The following KCNQ5 variants were observed in gnomAD, a reference collection of about 807,000 sequenced individuals.
KCNQ5 encodes potassium voltage-gated channel subfamily Q member 5, also known as potassium voltage-gated channel subfamily KQT member 5.
Under a neutral mutation model 98.2 loss-of-function variants are expected in KCNQ5, and 30 were observed. The observed-to-expected ratio is 0.31, with a 90% confidence interval of 0.23 to 0.41. The LOEUF (loss-of-function observed/expected upper bound fraction) is 0.41, where lower values mean the gene tolerates loss of function less well. Among genes scored for constraint, KCNQ5 ranks in the 10% least tolerant of loss-of-function variants. KCNQ5 has a pLI of 1.00. For missense variants in KCNQ5, 835 were observed against 1,182.5 expected (o/e 0.71, Z 4.31); for synonymous variants, 458 against 449.4 (o/e 1.02, Z -0.24).
intron 1 of KCNQ5, among the ~76,000 whole-genome samples, chr6:72,980,449 G>A (rs1440869502): frequency 2.6e-5 from 4 of 152,134 alleles, no homozygotes; most frequent in African/African-American, 9.7e-5. Flanking sequence ...TTTTGAATGG[G>A]AGTTCACTCA....
At chr6:72,765,056 T>G (rs952926483) in intron 1 of KCNQ5, among the ~76,000 whole-genome samples, 3 of 152,120 alleles carry the variant, frequency 2.0e-5, no homozygotes, top group Admixed American at 1.3e-4. Flanking sequence ...AAATCTTAGC[T>G]GTTGTAAACA....
chr6:72,736,359 G>A (rs12212268), intron 1 of KCNQ5, among the ~76,000 whole-genome samples: 17,100 of 152,002 alleles, frequency 0.11, 1,025 homozygotes, highest in South Asian at 0.17. Flanking sequence ...TGGTTCAATA[G>A]TAGTAGTGTG....
intron 5 of KCNQ5, among the ~76,000 whole-genome samples, chr6:73,092,737 A>C (rs1774305969): frequency 6.6e-6 from 1 of 152,190 alleles, no homozygotes; most frequent in Admixed American, 6.5e-5. Context: ...ATGTTAAACT[A>C]TCCCTGCATC....
At position 72,622,288 on chromosome 6, in the gene KCNQ5, C is replaced by A. The variant is rs1459386423; in HGVS notation, c.99C>A (p.Gly33=). The change falls in exon 1 of 14, where the codon GGC becomes GGA. Residue 33 remains glycine, a synonymous_variant. Coordinates refer to ENST00000370398, the MANE Select transcript of KCNQ5 (RefSeq NM_019842.4). This position sits in a 1 kb window ranked among gnomAD's most constrained non-coding sequence, Gnocchi z 6.0. ...CGGCGGCGGGCGGGGGGCGCTTGGG[C>A]AGCGGCATGAAGGATGTGGAGTCCG... ...AAAAAGGGRL[G]SGMKDVESGR... 1 of 1,294,852 alleles carries A rather than the reference C, an allele frequency of 7.7e-7. No individual in the cohort carries two copies. The highest frequency in any genetic ancestry group is 3.0e-5 in the East Asian group (1 of 33,298). The allele number at this position is 1,294,852 out of a possible 1,614,324, so 80.2% of individuals were successfully genotyped here. A position where few individuals can be genotyped will look rare whatever the true frequency, so the allele number is the denominator to read the frequency against.
At chr6:72,627,821 C>T (rs1582001536) in intron 1 of KCNQ5, among the ~76,000 whole-genome samples, 1 of 147,596 alleles carries the variant, frequency 6.8e-6, no homozygotes, top group South Asian at 2.1e-4. Flanking sequence ...CTTGGCTTCT[C>T]CCCACATCTT....
intron 1 of KCNQ5, among the ~76,000 whole-genome samples, chr6:72,813,097 G>C (rs894813720): frequency 1.3e-5 from 2 of 152,026 alleles, no homozygotes; most frequent in Non-Finnish European, 2.9e-5. Context: ...TAGAAATGCT[G>C]TTTATTCACT....
chr6:73,141,847 T>C (rs77895919), intron 10 of KCNQ5, among the ~76,000 whole-genome samples: 4,262 of 152,338 alleles, frequency 0.028, 99 homozygotes, highest in East Asian at 0.1. Flanking sequence ...TATTGTTACA[T>C]AGCAAATTAC....
At chr6:73,169,266 A>G (rs999610726) in intron 10 of KCNQ5, among the ~76,000 whole-genome samples, 1 of 152,198 alleles carries the variant, frequency 6.6e-6, no homozygotes, top group Admixed American at 6.5e-5. Flanking sequence ...AGTAACTAAT[A>G]AGTAGTCAGC....
intron 1 of KCNQ5, among the ~76,000 whole-genome samples, chr6:72,767,086 G>A (rs1481894495): frequency 6.6e-6 from 1 of 151,946 alleles, no homozygotes; most frequent in African/African-American, 2.4e-5. Context: ...ACAACCGAGT[G>A]GATAGGTATA....
chr6:73,023,214 G>T (rs1343582421), intron 2 of KCNQ5, among the ~76,000 whole-genome samples: 1 of 152,166 alleles, frequency 6.6e-6, no homozygotes, highest in African/African-American at 2.4e-5. Context: ...GGTGTTTGAG[G>T]TGAGAGGCTG....
intron 1 of KCNQ5, among the ~76,000 whole-genome samples, chr6:72,982,647 T>C (rs1768527899): frequency 6.6e-6 from 1 of 152,152 alleles, no homozygotes; most frequent in Non-Finnish European, 1.5e-5. Context: ...TCTGTGTCTT[T>C]TAATTGGGGC....
chr6:72,850,532 C>T (rs1209142256), intron 1 of KCNQ5, among the ~76,000 whole-genome samples: 5 of 152,172 alleles, frequency 3.3e-5, no homozygotes, highest in East Asian at 1.9e-4. Flanking sequence ...CTCTTGTCCC[C>T]GGATCTCCTG....
intron 1 of KCNQ5, among the ~76,000 whole-genome samples, chr6:72,779,097 A>C (rs1190891532): frequency 6.6e-6 from 1 of 152,222 alleles, no homozygotes; most frequent in Non-Finnish European, 1.5e-5. Context: ...GAGAAAGGCA[A>C]GAAAAAGTTT....
chr6:72,709,418 T>C (rs6926720), intron 1 of KCNQ5, among the ~76,000 whole-genome samples: 19,314 of 152,124 alleles, frequency 0.13, 2,067 homozygotes, highest in African/African-American at 0.29. Context: ...AAATATAAAT[T>C]CTGTCATTCT....
At chr6:72,848,729 G>A (rs1187984551) in intron 1 of KCNQ5, among the ~76,000 whole-genome samples, 6 of 152,210 alleles carry the variant, frequency 3.9e-5, no homozygotes, top group African/African-American at 9.6e-5. Context: ...TTATTGAATC[G>A]TGGGGGCGAT....
chr6:72,906,825 C>G (rs986833200), intron 1 of KCNQ5, among the ~76,000 whole-genome samples: 2 of 152,176 alleles, frequency 1.3e-5, no homozygotes, highest in Non-Finnish European at 2.9e-5. Flanking sequence ...TGATTTATTC[C>G]TGCAGTTGTT....
chr6:72,793,354 T>G (rs373945235), intron 1 of KCNQ5, among the ~76,000 whole-genome samples: 1 of 152,320 alleles, frequency 6.6e-6, no homozygotes, highest in East Asian at 1.9e-4. Flanking sequence ...CAGCACAGCT[T>G]GTGGCATTTG....
intron 1 of KCNQ5, among the ~76,000 whole-genome samples, chr6:72,969,144 A>G (rs978705465): frequency 2.6e-5 from 4 of 152,210 alleles, no homozygotes; most frequent in Non-Finnish European, 5.9e-5. Context: ...ATTAAGAAGC[A>G]TTTATGCCCA....
At chr6:72,927,447 T>C (rs1383679287) in intron 1 of KCNQ5, among the ~76,000 whole-genome samples, 4 of 152,138 alleles carry the variant, frequency 2.6e-5, no homozygotes, top group East Asian at 3.8e-4. Flanking sequence ...TGTTCTCCTA[T>C]GACTTAGAGA....
Sources: allele counts gnomAD v4.1 joint callset (sites outside exome capture counted in the v4.1 genomes callset), GRCh38; gene constraint gnomAD v4.1.1; non-coding constraint Gnocchi (gnomAD v3.1); transcripts MANE v1.5; gene names NCBI Gene and HGNC (gene_info 2026-07-23, HGNC 2026-07-21).